BAALC: variants seen among roughly 807,000 people sequenced by gnomAD.
The protein encoded by BAALC is brain and acute leukemia cytoplasmic protein.
A neutral mutation model predicts 15.5 loss-of-function variants in BAALC; 9 were observed. The ratio of observed to expected loss-of-function variants is 0.58; its 90% confidence interval spans 0.35 to 1.02. The LOEUF (loss-of-function observed/expected upper bound fraction) is 1.02. BAALC is among the 50% of genes least tolerant of loss of function. BAALC has a pLI of 0.02. For synonymous variants in BAALC, 80 were observed against 74.6 expected (o/e 1.07, Z -0.37); for missense variants, 201 against 192.4 (o/e 1.04, Z -0.27).
intron 2 of BAALC, among the ~76,000 whole-genome samples, chr8:103,217,732 A>G (rs2130079485): frequency 1.3e-5 from 2 of 152,266 alleles, no homozygotes; most frequent in Middle Eastern, 6.8e-3. Context: ...TGCCATTCAG[A>G]TTTACAAAAC....
chr8:103,148,662 G>A (rs573607954), intron 1 of BAALC, among the ~76,000 whole-genome samples: 11 of 151,902 alleles, frequency 7.2e-5, no homozygotes, highest in Admixed American at 3.9e-4. Context: ...TTTTGTAACC[G>A]GCCTGCTGAT....
chr8:103,145,555 T>G (rs746302900), intron 1 of BAALC, among the ~76,000 whole-genome samples: 6 of 152,366 alleles, frequency 3.9e-5, no homozygotes, highest in Non-Finnish European at 7.3e-5. Flanking sequence ...TGCTATGATA[T>G]GGTCATTGAA....
chr8:103,183,395 C>T, intron 1 of BAALC: 1 of 702,964 alleles, frequency 1.4e-6, no homozygotes. Context: ...TTGCACTTGC[C>T]TGGAGAGACA....
intron 1 of BAALC, among the ~76,000 whole-genome samples, chr8:103,187,064 G>A (rs1331402297): frequency 2.0e-5 from 3 of 152,140 alleles, no homozygotes; most frequent in Admixed American, 1.3e-4. Context: ...ACCATTGGGG[G>A]TCCTATTTTT....
At chr8:103,151,471 G>A (rs1472040773) in intron 1 of BAALC, among the ~76,000 whole-genome samples, 2 of 152,170 alleles carry the variant, frequency 1.3e-5, no homozygotes, top group Non-Finnish European at 2.9e-5. Context: ...TCAGTGTTGT[G>A]CATTCTAGCA....
chr8:103,225,595 A>C (rs1812789469), intron 2 of BAALC, among the ~76,000 whole-genome samples: 1 of 152,202 alleles, frequency 6.6e-6, no homozygotes. Flanking sequence ...GCTGTAGTCT[A>C]GCCTCAGCCA....
intron 1 of BAALC, among the ~76,000 whole-genome samples, chr8:103,149,177 A>T (rs201832674): frequency 7.0e-6 from 1 of 142,514 alleles, no homozygotes; most frequent in African/African-American, 2.6e-5. Flanking sequence ...CCCTCCCCCC[A>T]CCCCATCTGC....
chr8:103,170,844 T>C (rs1330204254), intron 1 of BAALC, among the ~76,000 whole-genome samples: 1 of 152,180 alleles, frequency 6.6e-6, no homozygotes, highest in Non-Finnish European at 1.5e-5. Context: ...TTCTTAGAAA[T>C]GGAAGATGCT....
chr8:103,199,798 TTC>T (rs201429401), intron 1 of BAALC, among the ~76,000 whole-genome samples: 152,266 of 152,274 alleles, frequency 1, 76,129 homozygotes, highest in Middle Eastern at 1. Flanking sequence ...TTCCTGATTT[TTC>T]CTCCCTCCCA....
intron 1 of BAALC, among the ~76,000 whole-genome samples, chr8:103,205,175 C>T (rs1013631685): frequency 2.0e-5 from 3 of 152,182 alleles, no homozygotes; most frequent in African/African-American, 7.2e-5. Context: ...GGAGAAATTA[C>T]CCCTTGACCT....
chr8:103,212,830 T>C, intron 1 of BAALC, 89 bp from the exon 2 acceptor site: 1 of 1,413,866 alleles, frequency 7.1e-7, no homozygotes. Flanking sequence ...TTTTTCATTT[T>C]GACTATCTGT....
At chr8:103,181,312 G>A (rs777602156) in intron 1 of BAALC, among the ~76,000 whole-genome samples, 149 of 152,126 alleles carry the variant, frequency 9.8e-4, no homozygotes, top group Non-Finnish European at 1.6e-3. Flanking sequence ...TCGCTCTGTC[G>A]CCCAGGCTGG....
intron 2 of BAALC, among the ~76,000 whole-genome samples, chr8:103,218,142 G>C (rs1022846156): frequency 8.5e-5 from 13 of 152,146 alleles, no homozygotes; most frequent in Non-Finnish European, 1.9e-4. Context: ...CTTGTGTTTG[G>C]AGCCCTTCTC....
chr8:103,200,806 A>G (rs1457908925), intron 1 of BAALC: 17 of 649,702 alleles, frequency 2.6e-5, no homozygotes, highest in Non-Finnish European at 4.9e-5. Flanking sequence ...AAGGGCACCA[A>G]TATCGTTCAT....
At chr8:103,199,299 C>A (rs1163846256) in intron 1 of BAALC, among the ~76,000 whole-genome samples, 1 of 152,202 alleles carries the variant, frequency 6.6e-6, no homozygotes, top group Non-Finnish European at 1.5e-5. Flanking sequence ...AACACACATC[C>A]TTTCAACATG....
chr8:103,213,136 C>A, intron 2 of BAALC, 51 bp downstream of exon 2: 2 of 1,590,080 alleles, frequency 1.3e-6, no homozygotes, highest in Non-Finnish European at 1.7e-6. Flanking sequence ...GGGGGTAGGG[C>A]TTGCTTCAGG....
intron 1 of BAALC, among the ~76,000 whole-genome samples, chr8:103,178,487 T>C (rs1811651913): frequency 6.6e-6 from 1 of 152,138 alleles, no homozygotes; most frequent in South Asian, 2.1e-4. Flanking sequence ...GATGTTACCA[T>C]TGGGGGAAAT....
At chr8:103,162,718 A>G (rs1811254291) in intron 1 of BAALC, among the ~76,000 whole-genome samples, 2 of 151,030 alleles carry the variant, frequency 1.3e-5, no homozygotes, top group Admixed American at 1.3e-4. Flanking sequence ...CCACTTCTTA[A>G]TGGAGGAATG....
intron 1 of BAALC, among the ~76,000 whole-genome samples, chr8:103,174,182 A>G (rs894140231): frequency 6.6e-6 from 1 of 151,788 alleles, no homozygotes; most frequent in Non-Finnish European, 1.5e-5. Flanking sequence ...GGCCTCCCCC[A>G]TCAAGATGGA....
Sources: allele counts gnomAD v4.1 joint callset (sites outside exome capture counted in the v4.1 genomes callset), GRCh38; gene constraint gnomAD v4.1.1; transcripts MANE v1.5; gene names NCBI Gene and HGNC (gene_info 2026-07-23, HGNC 2026-07-21).